Variants in OSBPL9 observed in about 807,000 individuals in gnomAD.
The protein encoded by OSBPL9 is oxysterol binding protein like 9.
A neutral mutation model predicts 106.6 loss-of-function variants in OSBPL9; 40 were observed. The ratio of observed to expected loss-of-function variants is 0.38; its 90% CI spans 0.29 to 0.49. OSBPL9 has a LOEUF of 0.49. Ranked by LOEUF, OSBPL9 falls within the 20% of genes least tolerant of loss-of-function variation. OSBPL9 has a pLI of 0.97. For synonymous variants in OSBPL9, 269 were observed against 295.4 expected (o/e 0.91, Z 0.92); for missense variants, 609 against 887.2 (o/e 0.69, Z 3.98).
chr1:51,664,257 A>G (rs1647870387), intron 2 of OSBPL9, among the ~76,000 whole-genome samples: 1 of 152,248 alleles, frequency 6.6e-6, no homozygotes, highest in Non-Finnish European at 1.5e-5. Context: ...TTGTGGGTCT[A>G]TACAGAGGAA....
At chr1:51,670,690 G>T (rs560831033) in intron 3 of OSBPL9, among the ~76,000 whole-genome samples, 2 of 152,216 alleles carry the variant, frequency 1.3e-5, no homozygotes, top group East Asian at 3.9e-4. Flanking sequence ...AATTTATTCA[G>T]AGCTGCTTTA....
intron 1 of OSBPL9, among the ~76,000 whole-genome samples, chr1:51,641,764 T>C (rs1052466127): frequency 6.6e-6 from 1 of 152,210 alleles, no homozygotes; most frequent in Non-Finnish European, 1.5e-5. Flanking sequence ...GATCTGTTTC[T>C]CAGCTTCCTG....
intron 4 of OSBPL9, among the ~76,000 whole-genome samples, chr1:51,715,360 G>A (rs1660839021): frequency 6.6e-6 from 1 of 152,192 alleles, no homozygotes; most frequent in South Asian, 2.1e-4. Context: ...AATTTAGGCA[G>A]TTTCATAAAT....
chr1:51,699,850 G>A (rs1439478907), intron 3 of OSBPL9, among the ~76,000 whole-genome samples: 1 of 152,116 alleles, frequency 6.6e-6, no homozygotes, highest in Non-Finnish European at 1.5e-5. Flanking sequence ...ACATAGGGGT[G>A]TGCTTGTGTC....
At chr1:51,521,545 C>G in the OSBPL9 span, among the ~76,000 whole-genome samples, 1 of 152,110 alleles carries the variant, frequency 6.6e-6, no homozygotes, top group African/African-American at 2.4e-5. Flanking sequence ...GGAATTATTA[C>G]TGTTTTAACT....
chr1:51,678,004 T>C (rs1354259596), intron 3 of OSBPL9, among the ~76,000 whole-genome samples: 4 of 150,672 alleles, frequency 2.7e-5, no homozygotes, highest in Admixed American at 2.6e-4. Context: ...TGAGGTCCTG[T>C]CTCTACAAAA....
the OSBPL9 span, among the ~76,000 whole-genome samples, chr1:51,557,946 G>T: frequency 6.6e-6 from 1 of 152,130 alleles, no homozygotes. Flanking sequence ...AGCTGCCCTT[G>T]TTCATTCCTG....
chr1:51,644,354 T>A (rs547754983), intron 1 of OSBPL9, among the ~76,000 whole-genome samples: 12 of 152,192 alleles, frequency 7.9e-5, no homozygotes, highest in Admixed American at 2.6e-4. Flanking sequence ...TGAGACGGAG[T>A]CTTGCGCTGT....
At chr1:51,756,292 G>A (rs1670314822) in intron 8 of OSBPL9, 28 bp from the exon 9 acceptor site, 1 of 1,596,310 alleles carries the variant, frequency 6.3e-7, no homozygotes, top group South Asian at 1.1e-5. Context: ...TAAGAATGAA[G>A]TTAATATTTT....
intron 15 of OSBPL9, 101 bp from the exon 16 acceptor site, chr1:51,781,063 G>A (rs1475174629): frequency 3.6e-5 from 38 of 1,066,850 alleles, no homozygotes; most frequent in Admixed American, 6.8e-5. Context: ...TAGGTCCTCA[G>A]TCCTCTCAGC....
chr1:51,764,639 A>G (rs1016137741), intron 11 of OSBPL9, among the ~76,000 whole-genome samples: 17 of 151,562 alleles, frequency 1.1e-4, no homozygotes, highest in Admixed American at 2.0e-4. Flanking sequence ...CTGTAATGCA[A>G]TGGCACAAAC....
At chr1:51,591,201 A>T (rs1352205459) in intron 1 of OSBPL9, among the ~76,000 whole-genome samples, 1 of 151,320 alleles carries the variant, frequency 6.6e-6, no homozygotes, top group Non-Finnish European at 1.5e-5. Flanking sequence ...TACAGGCGTG[A>T]GCCACCGTGC....
chr1:51,539,766 G>A, the OSBPL9 span, among the ~76,000 whole-genome samples: 1 of 152,134 alleles, frequency 6.6e-6, no homozygotes, highest in Non-Finnish European at 1.5e-5. Flanking sequence ...TTTGAACCCA[G>A]GTTGACTTCT....
chr1:51,776,579 G>A (rs565698023), intron 14 of OSBPL9, among the ~76,000 whole-genome samples: 2 of 152,260 alleles, frequency 1.3e-5, no homozygotes, highest in East Asian at 3.9e-4. Context: ...GGAGAAAAAG[G>A]AAGTTTCACA....
chr1:51,756,345 C>A lies in OSBPL9; in HGVS notation c.569C>A (p.Ala190Glu). ...GACCAGAGTAATGCGGAGAAGCACG[C>A]AGATGGAATGATAGTAAGTTTAATG... The part of the protein sequence containing the change: ...AKDQSNAEKH[A>E]DGMISTINPV... Residue 190 changes from alanine to glutamate, a missense_variant, in exon 9 of 24, where the codon GCA becomes GAA. Physicochemically the swap from Ala to Glu is moderately radical, Grantham distance 107. Around this residue, in one of 5 missense-constraint regions of OSBPL9, gnomAD observed 356 missense variants for 505.8 expected, o/e 0.70. Transcript: ENST00000428468. 6.2e-7 allele frequency: 1 copy of A among 1,613,114 alleles called. No homozygotes were observed. The highest frequency in any genetic ancestry group is 8.5e-7 in the Non-Finnish European group (1 of 1,179,364).
chr1:51,714,915 A>AC (rs534612068), intron 4 of OSBPL9, among the ~76,000 whole-genome samples: 60 of 152,178 alleles, frequency 3.9e-4, no homozygotes, highest in Non-Finnish European at 6.9e-4. Flanking sequence ...ACCCAACCCG[A>AC]CCCGCACCAA....
intron 3 of OSBPL9, among the ~76,000 whole-genome samples, chr1:51,702,160 C>A (rs1414252653): frequency 2.6e-5 from 4 of 152,158 alleles, no homozygotes; most frequent in Non-Finnish European, 5.9e-5. Flanking sequence ...AGGGTATATA[C>A]CCAGTAATGG....
At chr1:51,637,110 G>C (rs868743776) in intron 1 of OSBPL9, among the ~76,000 whole-genome samples, 1 of 152,166 alleles carries the variant, frequency 6.6e-6, no homozygotes, top group Admixed American at 6.6e-5. Flanking sequence ...TCCATACCTA[G>C]GTTCAAATCC....
chr1:51,735,846 A>G (rs1423917424), intron 4 of OSBPL9, among the ~76,000 whole-genome samples: 5 of 152,194 alleles, frequency 3.3e-5, no homozygotes, highest in African/African-American at 1.2e-4. Context: ...TTGTTTTACT[A>G]CCATTTATTT....
Sources: allele counts gnomAD v4.1 joint callset (sites outside exome capture counted in the v4.1 genomes callset), GRCh38; gene constraint gnomAD v4.1.1; regional missense constraint gnomAD v4.1.1; transcripts MANE v1.5; gene names NCBI Gene and HGNC (gene_info 2026-07-23, HGNC 2026-07-21).